SEMA3F: variants seen among roughly 807,000 people sequenced by gnomAD.
The protein encoded by SEMA3F is semaphorin-3F.
In SEMA3F, 30 loss-of-function variants were observed where a neutral mutation model predicts 98.5. The observed-to-expected ratio is 0.30, with a 90% confidence interval of 0.23 to 0.41. SEMA3F has a LOEUF of 0.41. Ranked by LOEUF, SEMA3F falls within the 10% of genes least tolerant of loss-of-function variation. The pLI is 1.00. For missense variants in SEMA3F, 866 were observed against 1,119.3 expected (o/e 0.77, Z 3.23); for synonymous variants, 380 against 444.8 (o/e 0.85, Z 1.83).
chr3:50,163,337 C>G (rs1220541533), intron 2 of SEMA3F, among the ~76,000 whole-genome samples: 1 of 152,156 alleles, frequency 6.6e-6, no homozygotes, highest in African/African-American at 2.4e-5. Context: ...TTCCACTGAG[C>G]AGGGTCCCTA....
chr3:50,173,079 G>A (rs976254930), intron 2 of SEMA3F, among the ~76,000 whole-genome samples: 2 of 152,140 alleles, frequency 1.3e-5, no homozygotes, highest in African/African-American at 2.4e-5. Context: ...TGGGTGTGGC[G>A]CCTTCCCTGG....
intron 18 of SEMA3F, 54 bp downstream of exon 18, chr3:50,186,800 G>T: frequency 1.3e-6 from 2 of 1,497,252 alleles, no homozygotes; most frequent in South Asian, 1.3e-5. Context: ...GCACAGTGGT[G>T]AAATGTAGTA....
Position 50,174,130 on chromosome 3 carries a change from T to C in SEMA3F, c.336+16T>C. ...GGATGTCAACGTGAGTTTGGTGGGA[T>C]CCACAGGTGGGAAGGGGGAATCCAC... On this transcript the variant is annotated intron_variant, in intron 4 of 18. Transcript: ENST00000002829. The C allele has an allele frequency of 6.2e-7, 1 of 1,613,982 alleles. No homozygotes were observed.
At chr3:50,177,133 A>G (rs1698845864) in intron 7 of SEMA3F, among the ~76,000 whole-genome samples, 1 of 152,242 alleles carries the variant, frequency 6.6e-6, no homozygotes, top group African/African-American at 2.4e-5. Flanking sequence ...AATGTGGTCC[A>G]TGCAAAGTCC....
rs1698409001 is a variant in SEMA3F, at chr3:50,166,419, C to T, written c.112+6685C>T. ...GCACTCCAGGGGGCCTCTCCCAGGG[C>T]TGCCTGTATTGCCATTTTTATCAGC... On this transcript the variant is annotated intron_variant, in intron 2 of 18. Coordinates refer to ENST00000002829, the MANE Select transcript of SEMA3F (RefSeq NM_004186.5). This position sits in a 1 kb window ranked among gnomAD's most constrained non-coding sequence, Gnocchi z 4.7. 6.6e-6 allele frequency among the ~76,000 whole-genome samples: 1 copy of T among 152,316 alleles called. No homozygotes were observed. Among genetic ancestry groups the T allele is most frequent in the African/African-American group, 2.4e-5 (1 of 41,556 alleles).
rs753049633 is a variant in SEMA3F, at chr3:50,183,065, G to A, written c.1018+47G>A. The A allele has an allele frequency of 3.2e-6, 5 of 1,585,814 alleles. No individual in the cohort carries two copies. In the Admixed American group the frequency reaches 8.4e-5, roughly 26 times the overall value. ...AGGGTGCTCTGGCTACAGCAAGAGG[G>A]ATAGAGGCGGGATGGGCGATCAGGG... On this transcript the variant is annotated intron_variant, in intron 10 of 18. Coordinates refer to ENST00000002829, the MANE Select transcript of SEMA3F (RefSeq NM_004186.5).
At chr3:50,159,758 C>G (rs1259335793) in intron 2 of SEMA3F, 24 bp downstream of exon 2, 1 of 1,468,702 alleles carries the variant, frequency 6.8e-7, no homozygotes, top group Admixed American at 1.7e-5. Flanking sequence ...TTGTTCTTCC[C>G]CAGAAATCAT....
chr3:50,185,258 C>G (rs1194790375), intron 13 of SEMA3F, among the ~76,000 whole-genome samples, 185 bp from the exon 14 acceptor site: 1 of 152,180 alleles, frequency 6.6e-6, no homozygotes, highest in Non-Finnish European at 1.5e-5. Context: ...GGGGGCAGAC[C>G]ATGGCCATGA....
intron 2 of SEMA3F, among the ~76,000 whole-genome samples, chr3:50,168,537 A>C (rs1698487584): frequency 6.6e-6 from 1 of 152,134 alleles, no homozygotes; most frequent in African/African-American, 2.4e-5. Flanking sequence ...GTACAAAGGC[A>C]TCTGGGCCTC....
intron 1 of SEMA3F, among the ~76,000 whole-genome samples, chr3:50,157,632 C>T (rs1194030959): frequency 6.6e-6 from 1 of 152,116 alleles, no homozygotes; most frequent in Non-Finnish European, 1.5e-5. Flanking sequence ...CCCCCACCTG[C>T]CAGGCTGTCC....
intron 2 of SEMA3F, among the ~76,000 whole-genome samples, chr3:50,164,979 G>A (rs1698349534): frequency 6.6e-6 from 1 of 152,242 alleles, no homozygotes; most frequent in Admixed American, 6.5e-5. Flanking sequence ...GTGAGGGCAG[G>A]TCCAGGGGCA....
At chr3:50,171,177 G>A (rs1377123797) in intron 2 of SEMA3F, among the ~76,000 whole-genome samples, 2 of 152,194 alleles carry the variant, frequency 1.3e-5, no homozygotes, top group African/African-American at 4.8e-5. Context: ...GCAGACTGGG[G>A]GCAGCAGGCA....
Position 50,187,727 on chromosome 3 carries a change from T to C in SEMA3F, c.1970T>C (p.Leu657Pro). The stretch of plus-strand genomic sequence containing the variant: ...CAGATTCGTGCAGAGGACCGCTTCC[T>C]GCGCACAGAGCAGGGCTTGTTGCTC... ...RREIRAEDRF[L>P]RTEQGLLLRA... The change falls in exon 19 of 19, where the codon CTG (leucine) becomes CCG (proline). Residue 657 changes from leucine (L) to proline (P), a missense_variant. Coordinates refer to ENST00000002829, the MANE Select transcript of SEMA3F (RefSeq NM_004186.5). The C allele has an allele frequency of 6.2e-7, 1 of 1,601,722 alleles. No individual in the cohort carries two copies. Among genetic ancestry groups the C allele is most frequent in the Non-Finnish European group, 8.5e-7 (1 of 1,171,018 alleles).
In SEMA3F at chr3:50,158,703, G is replaced by A. The variant is rs768521599; in HGVS notation, c.-48-872G>A. On this transcript the variant is annotated intron_variant, in intron 1 of 18. Transcript: ENST00000002829. This position sits in a 1 kb window ranked among gnomAD's most constrained non-coding sequence, Gnocchi z 4.8. The stretch of plus-strand genomic sequence containing the variant: ...GTAGGAGTTGGCGCTGGTTTGTGCC[G>A]GGAGGGAGCAATATGTTCTGACAAC... Among the ~76,000 whole-genome samples, 5 of 152,220 alleles carry A rather than the reference G, an allele frequency of 3.3e-5. No homozygotes were observed. Among genetic ancestry groups the A allele is most frequent in the Non-Finnish European group, 7.3e-5 (5 of 68,030 alleles).
chr3:50,186,538 C>T (rs962459758), intron 17 of SEMA3F, 75 bp from the exon 18 acceptor site: 70 of 1,537,154 alleles, frequency 4.6e-5, no homozygotes, highest in South Asian at 6.1e-5. Flanking sequence ...GGGTGCCCCT[C>T]GGTGCCTGCC....
At position 50,182,912 on chromosome 3, in the gene SEMA3F, C is replaced by T. The variant is rs761291549; in HGVS notation, c.912C>T (p.Asp304=). The change falls in exon 10 of 19, where the codon GAC becomes GAT. Residue 304 remains aspartate, a synonymous_variant. Transcript: ENST00000002829. This position sits in a 1 kb window ranked among gnomAD's most constrained non-coding sequence, Gnocchi z 4.5. ...ARIGRICLND[D]GGHCCLVNKW... ...CTTGCCCCACCCCCCAGAACGATGA[C>T]GGTGGTCACTGTTGCCTGGTCAACA... is the stretch of plus-strand genomic sequence containing the variant. 28 of 1,613,686 alleles carry T rather than the reference C, an allele frequency of 1.7e-5. No individual in the cohort carries two copies. In the Admixed American group the frequency reaches 1.8e-4, roughly 11 times the overall value.
At chr3:50,174,995 C>A in intron 5 of SEMA3F, 101 bp from the exon 6 acceptor site, 1 of 784,036 alleles carries the variant, frequency 1.3e-6, no homozygotes, top group Non-Finnish European at 2.2e-6. Flanking sequence ...CACGTGTTCA[C>A]GTGTGTTCCT....
intron 2 of SEMA3F, among the ~76,000 whole-genome samples, chr3:50,161,450 C>T (rs1378811333): frequency 2.0e-5 from 3 of 152,208 alleles, no homozygotes; most frequent in Non-Finnish European, 4.4e-5. Context: ...AGGTCGATTC[C>T]CTCTCAATTA....
chr3:50,183,585 G>A (rs1390979021), intron 12 of SEMA3F, 21 bp downstream of exon 12: 2 of 1,611,482 alleles, frequency 1.2e-6, no homozygotes, highest in South Asian at 2.2e-5. Context: ...CACTCATCCT[G>A]CCTCTCCCCT....
Sources: gnomAD v4.1 joint callset for allele counts (sites outside exome capture counted in the v4.1 genomes callset) on GRCh38, gnomAD v4.1.1 for gene constraint, Gnocchi (gnomAD v3.1) non-coding constraint, MANE v1.5 for transcripts, NCBI Gene and HGNC (gene_info 2026-07-23, HGNC 2026-07-21) for gene names.